The following LCE5A variants were observed in gnomAD, a reference collection of about 807,000 sequenced individuals.
The protein encoded by LCE5A is late cornified envelope 5A.
For missense variants in LCE5A, 139 were observed against 147.2 expected (o/e 0.94, Z 0.29); for synonymous variants, 51 against 54.2 (o/e 0.94, Z 0.26).
At chr1:152,511,158 C>G (rs11205014) in intron 1 of LCE5A, among the ~76,000 whole-genome samples, 160 bp downstream of exon 1, 1 of 151,910 alleles carries the variant, frequency 6.6e-6, no homozygotes, top group Non-Finnish European at 1.5e-5. Flanking sequence ...GGAGTAGTGG[C>G]TCATGCCTGT....
In LCE5A at chr1:152,511,908, C is replaced by T. The variant is rs758480658; in HGVS notation, c.*17C>T. The T allele has an allele frequency of 3.8e-6, 6 of 1,591,668 alleles. No individual in the cohort carries two copies. In the South Asian group the frequency reaches 6.8e-5, roughly 18 times the overall value. ...TGCTGCTGACCTGGGCCATGAGGAG[C>T]ACGGAGGAGAAGGACTGGCAGATCC... is the stretch of plus-strand genomic sequence containing the variant. On this transcript the variant is annotated 3_prime_UTR_variant, in exon 2 of 2. Transcript: ENST00000334269.
Position 152,512,036 on chromosome 1 carries a change from C to T in LCE5A, c.*145C>T, listed in dbSNP as rs143949359. On this transcript the variant is annotated 3_prime_UTR_variant, in exon 2 of 2. Transcript: ENST00000334269. ...TTCCCCTCTTTATCCTGCCCATGTT[C>T]ACTCCATTGTAGGGTTGAAGTCTAG... The T allele has an allele frequency of 9.3e-4, 670 of 720,180 alleles. 8 individuals carry two copies. In the African/African-American group the frequency reaches 0.011, roughly 12 times the overall value. 44.6% of individuals were successfully genotyped at this position (720,180 alleles called of 1,614,324 possible).
chr1:152,511,220 C>T (rs920854464), intron 1 of LCE5A, among the ~76,000 whole-genome samples: 1 of 151,858 alleles, frequency 6.6e-6, no homozygotes, highest in Non-Finnish European at 1.5e-5. Flanking sequence ...GTCAGGAGTT[C>T]GAGACTGACC....
chr1:152,511,479 C>G (rs1658569745), intron 1 of LCE5A, 35 bp from the exon 2 acceptor site: 4 of 1,424,916 alleles, frequency 2.8e-6, no homozygotes. Context: ...ATTTTAAGGG[C>G]AAGGAAGTGA....
Position 152,512,163 on chromosome 1 carries a change from G to C in LCE5A, c.*272G>C. 4.3e-6 allele frequency: 2 copies of C among 462,296 alleles called. No individual in the cohort carries two copies. Among genetic ancestry groups the C allele is most frequent in the Non-Finnish European group, 7.8e-6 (2 of 255,286 alleles). The allele number at this position is 462,296 out of a possible 1,614,324, so 28.6% of individuals were successfully genotyped here. On this transcript the variant is annotated 3_prime_UTR_variant, in exon 2 of 2. Coordinates refer to ENST00000334269, the MANE Select transcript of LCE5A (RefSeq NM_178438.5). ...AAGCTATTTTCTCTGTAACAATAAAGCTTTTTATTCCTGATATCACTGCCT... is the reference window on the plus strand; with the variant it reads ...AAGCTATTTTCTCTGTAACAATAAACCTTTTTATTCCTGATATCACTGCCT...
At chr1:152,511,060 A>G (rs910106614) in intron 1 of LCE5A, 62 bp downstream of exon 1, 2 of 153,452 alleles carry the variant, frequency 1.3e-5, no homozygotes, top group African/African-American at 4.8e-5. Context: ...ATTTGAAAAT[A>G]TGGAGTTACT....
rs1658605677 is a variant in LCE5A at position 152,512,095 on chromosome 1, A to G, written c.*204A>G. ...ATTTTCTGGCCTGGCTTTCCCTCTC[A>G]GACATAGCTCTTTGGAGAACTAGGT... On this transcript the variant is annotated 3_prime_UTR_variant, in exon 2 of 2. Coordinates refer to ENST00000334269, the MANE Select transcript of LCE5A (RefSeq NM_178438.5). The G allele has an allele frequency of 6.8e-6, 4 of 588,120 alleles. No individual in the cohort carries two copies. 36.4% of individuals were successfully genotyped at this position (588,120 alleles called of 1,614,324 possible). A position where few individuals can be genotyped will look rare whatever the true frequency, so the allele number is the denominator to read the frequency against.
Position 152,511,965 on chromosome 1 carries a change from T to A in LCE5A, c.*74T>A. ...CTGAAGATGTGTGTCAGCCTGAGGC[T>A]TCTTTTCTCTCATTTCCCATGGAAG... On this transcript the variant is annotated 3_prime_UTR_variant, in exon 2 of 2. Coordinates refer to ENST00000334269, the MANE Select transcript of LCE5A (RefSeq NM_178438.5). 1.5e-6 allele frequency: 2 copies of A among 1,372,902 alleles called. No individual in the cohort carries two copies. Among genetic ancestry groups the A allele is most frequent in the Non-Finnish European group, 2.0e-6 (2 of 1,009,024 alleles). 85.0% of individuals were successfully genotyped at this position (1,372,902 alleles called of 1,614,324 possible).
rs962976652 is a variant in LCE5A at position 152,511,647 on chromosome 1, C to T, written c.113C>T (p.Pro38Leu). ...CCCAAGTGTCCCCCAAAATGCCCTCCCCAGTGTTCAGCCCCATGCCCACCT... is the reference window on the plus strand; with the variant it reads ...CCCAAGTGTCCCCCAAAATGCCCTCTCCAGTGTTCAGCCCCATGCCCACCT... ...CPPKCPPKCP[P>L]QCSAPCPPPV... is the part of the protein sequence containing the mutation. Residue 38 changes from proline (P) to leucine (L), a missense_variant, in exon 2 of 2, where the codon CCC becomes CTC. Pro to Leu is a moderately conservative substitution (Grantham distance 98). Transcript: ENST00000334269. 1 of 1,614,124 alleles carries T rather than the reference C, an allele frequency of 6.2e-7. No individual in the cohort carries two copies. The highest frequency in any genetic ancestry group is 1.7e-5 in the Admixed American group (1 of 60,020).
chr1:152,511,415 A>G lies in LCE5A; in HGVS notation c.-21-99A>G. ...TCCATCCCAAATAATAATAATAATCATAATAATAAATTCTGGTCATCTTAG... is the reference window on the plus strand; with the variant it reads ...TCCATCCCAAATAATAATAATAATCGTAATAATAAATTCTGGTCATCTTAG... On this transcript the variant is annotated intron_variant, in intron 1 of 1. Coordinates refer to ENST00000334269, the MANE Select transcript of LCE5A (RefSeq NM_178438.5). The G allele has an allele frequency of 1.1e-5, 9 of 783,050 alleles. 1 individual carries two copies. In the South Asian group the frequency reaches 1.4e-4, roughly 12 times the overall value. The allele number at this position is 783,050 out of a possible 1,614,324, so 48.5% of individuals were successfully genotyped here. A position where few individuals can be genotyped will look rare whatever the true frequency, so the allele number is the denominator to read the frequency against.
Position 152,511,571 on chromosome 1 carries a change from C to G in LCE5A, c.37C>G (p.Pro13Ala). 1 of 1,614,150 alleles carries G rather than the reference C, an allele frequency of 6.2e-7. No homozygotes were observed. Among genetic ancestry groups the G allele is most frequent in the Non-Finnish European group, 8.5e-7 (1 of 1,180,026 alleles). The change falls in exon 2 of 2, where the codon CCT becomes GCT. Residue 13 changes from proline (P) to alanine (A), a missense_variant. By Grantham distance (27) the Pro-to-Ala change is conservative. Coordinates refer to ENST00000334269, the MANE Select transcript of LCE5A (RefSeq NM_178438.5). ...GCAGAGCCAGCAGCAGTGCCAGCCT[C>G]CTCCCAAATGTACCCCTAAATGCCC... ...CQQSQQQCQP[P>A]PKCTPKCPPK...
rs768515011 is a variant in LCE5A, at chr1:152,511,626, A to G, written c.92A>G (p.Lys31Arg). Residue 31 changes from lysine (K) to arginine (R), a missense_variant, in exon 2 of 2, where the codon AAG becomes AGG. Lys to Arg is a conservative substitution (Grantham distance 26, BLOSUM62 2). Transcript: ENST00000334269. ...PPKCTPKCPP[K>R]CPPKCPPQCS... ...AAGTGTACTCCTAAGTGTCCTCCCA[A>G]GTGTCCCCCAAAATGCCCTCCCCAG... is the stretch of plus-strand genomic sequence containing the variant. The G allele has an allele frequency of 9.3e-6, 15 of 1,613,880 alleles. No homozygotes were observed. The highest frequency in any genetic ancestry group is 1.2e-5 in the Non-Finnish European group (14 of 1,179,990).
chr1:152,511,490 C>T, intron 1 of LCE5A, 24 bp from the exon 2 acceptor site: 1 of 1,532,086 alleles, frequency 6.5e-7, no homozygotes, highest in African/African-American at 1.4e-5. Flanking sequence ...AAGGAAGTGA[C>T]CTTGGGCTTG....
In LCE5A at chr1:152,511,587, CT is replaced by C; in HGVS notation, c.54del (p.Lys19AsnfsTer51). The stretch of plus-strand genomic sequence containing the variant: ...TGCCAGCCTCCTCCCAAATGTACCC[CT>C]AAATGCCCTCCCAAGTGTACTCCTA... Reference protein sequence around the residue: ...QQCQPPPKCTPKCPPKCTPKC... With the variant: ...QQCQPPPKCTXKCPPKCTPKC... On this transcript the variant is annotated frameshift_variant, in exon 2 of 2. Transcript: ENST00000334269. LOFTEE classifies it low-confidence loss of function (END_TRUNC). The C allele has an allele frequency of 6.2e-7, 1 of 1,614,142 alleles. No individual in the cohort carries two copies. The highest frequency in any genetic ancestry group is 8.5e-7 in the Non-Finnish European group (1 of 1,180,018).
chr1:152,511,770 G>C lies in LCE5A; in HGVS notation c.236G>C (p.Arg79Pro), dbSNP rs752990455. The change falls in exon 2 of 2, where the codon CGA (arginine) becomes CCA (proline). Residue 79 changes from arginine (R) to proline (P), a missense_variant. By Grantham distance (103) the Arg-to-Pro change is moderately radical. Transcript: ENST00000334269. ...LSHHRPRQSL[R>P]RRPQSSSCCG... Reference sequence around the variant, plus strand: ...CACCACAGGCCCCGCCAGTCCCTCCGACGCCGACCTCAGAGTTCCAGCTGC... The same window carrying C: ...CACCACAGGCCCCGCCAGTCCCTCCCACGCCGACCTCAGAGTTCCAGCTGC... The C allele has an allele frequency of 6.2e-6, 10 of 1,613,958 alleles. 1 individual carries two copies. The Middle Eastern group carries it at 8.3e-4, about 133-fold the overall frequency.
At position 152,512,119 on chromosome 1, in the gene LCE5A, G is replaced by C. The variant is rs1275055794; in HGVS notation, c.*228G>C. On this transcript the variant is annotated 3_prime_UTR_variant, in exon 2 of 2. Transcript: ENST00000334269. The stretch of plus-strand genomic sequence containing the variant: ...CAGACATAGCTCTTTGGAGAACTAG[G>C]TGTTGTAATTCAGTTATGAAGCTAT... The C allele has an allele frequency of 1.8e-6, 1 of 548,654 alleles. No individual in the cohort carries two copies. The highest frequency in any genetic ancestry group is 1.9e-5 in the African/African-American group (1 of 52,914). 34.0% of individuals were successfully genotyped at this position (548,654 alleles called of 1,614,324 possible).
In LCE5A at chr1:152,510,916, G is replaced by T; in HGVS notation, c.-104G>T. The stretch of plus-strand genomic sequence containing the variant: ...TTTGGGCAGAAAGAGCCCCTGGGTG[G>T]AGGTTGAGGCCATTCTTGAAGAAAG... On this transcript the variant is annotated 5_prime_UTR_variant, in exon 1 of 2. Coordinates refer to ENST00000334269, the MANE Select transcript of LCE5A (RefSeq NM_178438.5). 1 of 152,614 alleles carries T rather than the reference G, an allele frequency of 6.6e-6. No homozygotes were observed. Among genetic ancestry groups the T allele is most frequent in the Non-Finnish European group, 1.5e-5 (1 of 68,396 alleles). 9.5% of individuals were successfully genotyped at this position (152,614 alleles called of 1,614,324 possible).
chr1:152,512,089 C>T lies in LCE5A; in HGVS notation c.*198C>T. 1.7e-6 allele frequency: 1 copy of T among 592,944 alleles called. No homozygotes were observed. Among genetic ancestry groups the T allele is most frequent in the East Asian group, 2.8e-5 (1 of 35,464 alleles). The allele number at this position is 592,944 out of a possible 1,614,324, so 36.7% of individuals were successfully genotyped here. A position where few individuals can be genotyped will look rare whatever the true frequency, so the allele number is the denominator to read the frequency against. On this transcript the variant is annotated 3_prime_UTR_variant, in exon 2 of 2. Transcript: ENST00000334269. ...TGTGATATTTTCTGGCCTGGCTTTCCCTCTCAGACATAGCTCTTTGGAGAA... is the reference window on the plus strand; with the variant it reads ...TGTGATATTTTCTGGCCTGGCTTTCTCTCTCAGACATAGCTCTTTGGAGAA...
At position 152,511,925 on chromosome 1, in the gene LCE5A, G is replaced by C. The variant is rs1332896465; in HGVS notation, c.*34G>C. 1.9e-6 allele frequency: 3 copies of C among 1,561,670 alleles called. No individual in the cohort carries two copies. Among genetic ancestry groups the C allele is most frequent in the Admixed American group, 1.9e-5 (1 of 53,116 alleles). ...ATGAGGAGCACGGAGGAGAAGGACT[G>C]GCAGATCCCAGGTGCTGAAGATGTG... On this transcript the variant is annotated 3_prime_UTR_variant, in exon 2 of 2. Transcript: ENST00000334269.
Sources: gnomAD v4.1 joint callset for allele counts (sites outside exome capture counted in the v4.1 genomes callset) on GRCh38, gnomAD v4.1.1 for gene constraint, MANE v1.5 for transcripts, NCBI Gene and HGNC (gene_info 2026-07-23, HGNC 2026-07-21) for gene names.